Variants in ARFGEF2 observed in about 807,000 individuals in gnomAD.
ARFGEF2 encodes the protein brefeldin A-inhibited guanine nucleotide-exchange protein 2.
Under a neutral mutation model 219.9 loss-of-function variants are expected in ARFGEF2, and 74 were observed. The observed-to-expected ratio is 0.34, with a 90% CI of 0.28 to 0.41. The LOEUF (loss-of-function observed/expected upper bound fraction) is 0.41, where lower values mean the gene tolerates loss of function less well. Ranked by LOEUF, ARFGEF2 falls within the 10% of genes least tolerant of loss-of-function variation. The pLI, the probability that ARFGEF2 is intolerant of heterozygous loss-of-function variation, is 1.00. For synonymous variants in ARFGEF2, 733 were observed against 799.2 expected (o/e 0.92, Z 1.40); for missense variants, 1,743 against 2,218.3 (o/e 0.79, Z 4.30).
rs904453328 is a variant in ARFGEF2, at chr20:49,016,404, G to A, written c.4304G>A (p.Cys1435Tyr). 5.6e-6 allele frequency: 9 copies of A among 1,612,742 alleles called. No homozygotes were observed. The highest frequency in any genetic ancestry group is 2.2e-5 in the East Asian group (1 of 44,860). The stretch of plus-strand genomic sequence containing the variant: ...GATGTATTTGCACAATTGCAGTGGT[G>A]TGTCAAACAAGGTACTCTTTAAGCC... ...LSDVFAQLQW[C>Y]VKQDNEQLAR... The change falls in exon 31 of 39, where the codon TGT (cysteine) becomes TAT (tyrosine). Residue 1435 changes from cysteine (C) to tyrosine (Y), a missense_variant. This residue lies in a region of ARFGEF2 where 578 missense variants were observed against 664.0 expected (regional missense o/e 0.87). Transcript: ENST00000371917.
Position 48,986,820 on chromosome 20 carries a change from C to T in ARFGEF2, c.2276+1207C>T, listed in dbSNP as rs142085133. Among the ~76,000 whole-genome samples, 355 of 152,252 alleles carry T rather than the reference C, an allele frequency of 2.3e-3. 1 individual carries two copies. The highest frequency in any genetic ancestry group is 8.2e-3 in the African/African-American group (341 of 41,534). On this transcript the variant is annotated intron_variant, in intron 16 of 38. Coordinates refer to ENST00000371917, the MANE Select transcript of ARFGEF2 (RefSeq NM_006420.3). The stretch of plus-strand genomic sequence containing the variant: ...GCTCAATCAGTCCTCCCACCTCAGC[C>T]TCCTGAACTGCTGGGACTACAGGTG...
Position 48,995,143 on chromosome 20 carries a change from A to G in ARFGEF2, c.3121+545A>G, listed in dbSNP as rs559046134. On this transcript the variant is annotated intron_variant, in intron 22 of 38. Transcript: ENST00000371917. ...TTTAACTCATTTAATGCTCAAAACA[A>G]TCCAATGAGAACAGGGACTGTTATA... Among the ~76,000 whole-genome samples the G allele has an allele frequency of 1.1e-4, 17 of 152,290 alleles. No individual in the cohort carries two copies. In the East Asian group the frequency reaches 2.7e-3, roughly 24 times the overall value.
chr20:48,950,161 A>G (rs1054503446), intron 3 of ARFGEF2, among the ~76,000 whole-genome samples: 1 of 152,136 alleles, frequency 6.6e-6, no homozygotes, highest in Non-Finnish European at 1.5e-5. Context: ...GGTGGCACAG[A>G]CCAATTTGTA....
intron 20 of ARFGEF2, among the ~76,000 whole-genome samples, chr20:48,990,310 A>G (rs1473931265): frequency 2.0e-5 from 3 of 152,182 alleles, no homozygotes; most frequent in Non-Finnish European, 4.4e-5. Context: ...TTTTAACATC[A>G]GTTTTTATTA....
chr20:49,032,653 C>T (rs1049336946), intron 38 of ARFGEF2, among the ~76,000 whole-genome samples: 5 of 151,234 alleles, frequency 3.3e-5, no homozygotes, highest in Admixed American at 6.6e-5. Context: ...AATGCAGTGA[C>T]GTAATCTAGC....
intron 3 of ARFGEF2, among the ~76,000 whole-genome samples, chr20:48,948,570 G>T (rs187519674): frequency 1.3e-5 from 2 of 152,266 alleles, no homozygotes; most frequent in East Asian, 3.9e-4. Context: ...CATTCATGTG[G>T]GTGGGATAAC....
At chr20:48,926,388 GC>G (rs1568684806) in intron 1 of ARFGEF2, among the ~76,000 whole-genome samples, 1 of 152,002 alleles carries the variant, frequency 6.6e-6, no homozygotes, top group Non-Finnish European at 1.5e-5. Context: ...TTAATTAGGG[GC>G]TAATGGAAAG....
intron 1 of ARFGEF2, among the ~76,000 whole-genome samples, chr20:48,923,831 G>A (rs115750703): frequency 6.4e-4 from 97 of 152,346 alleles, no homozygotes; most frequent in African/African-American, 2.2e-3. Flanking sequence ...TCTGGGTCAT[G>A]AAGGGCCATT....
At chr20:49,023,626 C>T (rs2091582485) in intron 35 of ARFGEF2, among the ~76,000 whole-genome samples, 1 of 149,242 alleles carries the variant, frequency 6.7e-6, no homozygotes, top group African/African-American at 2.4e-5. Flanking sequence ...GCAAGCTCCG[C>T]CTCCTGGGTT....
intron 1 of ARFGEF2, among the ~76,000 whole-genome samples, chr20:48,928,869 C>G (rs1314127627): frequency 6.6e-6 from 1 of 152,136 alleles, no homozygotes; most frequent in Non-Finnish European, 1.5e-5. Context: ...GTTTATAGAC[C>G]TTTTTGTAAG....
chr20:48,953,004 G>A (rs971843924), intron 5 of ARFGEF2, 120 bp downstream of exon 5: 4 of 1,045,498 alleles, frequency 3.8e-6, no homozygotes, highest in Non-Finnish European at 5.9e-6. Flanking sequence ...TCTTCCTGTG[G>A]ATTCTCTGTA....
intron 1 of ARFGEF2, among the ~76,000 whole-genome samples, chr20:48,930,769 G>C (rs1265660802): frequency 6.6e-6 from 1 of 152,116 alleles, no homozygotes; most frequent in African/African-American, 2.4e-5. Flanking sequence ...ATAGGAATTT[G>C]GGAGTCAGCA....
At chr20:48,984,943 G>GTTGTCCACCCCCGGGTTATACATTGTCTA in intron 15 of ARFGEF2, 103 bp downstream of exon 15, 2 of 1,584,752 alleles carry the variant, frequency 1.3e-6, no homozygotes, top group Non-Finnish European at 1.7e-6. Flanking sequence ...TACATTGTCT[G>GTTGTCCACCCCCGGGTTATACATTGTCTA]TTGTCCACCC....
At chr20:48,968,698 C>T (rs1271783061) in intron 8 of ARFGEF2, among the ~76,000 whole-genome samples, 1 of 152,106 alleles carries the variant, frequency 6.6e-6, no homozygotes, top group Admixed American at 6.6e-5. Flanking sequence ...TCTTTCTTAC[C>T]CAAGCTAGTA....
intron 14 of ARFGEF2, 97 bp downstream of exon 14, chr20:48,976,296 A>G: frequency 6.8e-7 from 1 of 1,477,206 alleles, no homozygotes. Flanking sequence ...GCCTGTTTAC[A>G]AAAGGCTGGT....
intron 16 of ARFGEF2, among the ~76,000 whole-genome samples, chr20:48,988,029 C>A (rs1022229046): frequency 2.0e-5 from 3 of 152,180 alleles, no homozygotes; most frequent in Non-Finnish European, 4.4e-5. Context: ...CTCAGGTGAT[C>A]CACCCATCTC....
At chr20:49,013,354 C>T (rs1568737796) in intron 28 of ARFGEF2, among the ~76,000 whole-genome samples, 1 of 151,696 alleles carries the variant, frequency 6.6e-6, no homozygotes, top group Non-Finnish European at 1.5e-5. Flanking sequence ...TTCTAAAACC[C>T]GCAGAGGTCC....
At chr20:48,989,729 C>T (rs771368461) in intron 20 of ARFGEF2, 45 bp downstream of exon 20, 21 of 1,612,582 alleles carry the variant, frequency 1.3e-5, no homozygotes, top group Middle Eastern at 1.6e-4. Flanking sequence ...GTGGGTTGTG[C>T]TCTTTTAGAT....
At chr20:49,000,028 T>G (rs187769312) in intron 25 of ARFGEF2, among the ~76,000 whole-genome samples, 21 of 152,324 alleles carry the variant, frequency 1.4e-4, no homozygotes, top group Admixed American at 2.0e-4. Flanking sequence ...GTAAATGATT[T>G]GTAGCATCTG....
Sources: gnomAD v4.1 joint callset for allele counts (sites outside exome capture counted in the v4.1 genomes callset) on GRCh38, gnomAD v4.1.1 for gene constraint, gnomAD v4.1.1 regional missense constraint, MANE v1.5 for transcripts, NCBI Gene and HGNC (gene_info 2026-07-23, HGNC 2026-07-21) for gene names.